The following RAB30 variants were observed in gnomAD, a reference collection of about 807,000 sequenced individuals.
RAB30 encodes the protein RAB30, member RAS oncogene family, also known as ras-related protein Rab-30.
In RAB30, 9 loss-of-function variants were observed where a neutral mutation model predicts 25.1. That is an observed-to-expected ratio of 0.36 (90% CI 0.22 to 0.63). The LOEUF (loss-of-function observed/expected upper bound fraction) is 0.63, where lower values mean the gene tolerates loss of function less well. RAB30 is among the 20% of genes least tolerant of loss of function. The pLI is 0.69. For synonymous variants in RAB30, 77 were observed against 86.4 expected, an observed-to-expected ratio of 0.89 and a Z score of 0.60; for missense variants, 140 against 243.5, an observed-to-expected ratio of 0.58 and a Z score of 2.83.
chr11:83,004,029 T>C (rs2121478736), intron 1 of RAB30, among the ~76,000 whole-genome samples: 1 of 152,318 alleles, frequency 6.6e-6, no homozygotes, highest in South Asian at 2.1e-4. Flanking sequence ...TTTAAAATGT[T>C]CTGAAAATTC....
chr11:83,045,516 G>T (rs551000490), intron 1 of RAB30, among the ~76,000 whole-genome samples: 1 of 152,268 alleles, frequency 6.6e-6, no homozygotes, highest in Admixed American at 6.5e-5. Flanking sequence ...TGCCCACCAG[G>T]AGGTCGCAAA....
chr11:83,058,675 C>T (rs1272575706), intron 1 of RAB30, among the ~76,000 whole-genome samples: 1 of 152,212 alleles, frequency 6.6e-6, no homozygotes, highest in Admixed American at 6.5e-5. Flanking sequence ...CTTGTTTCTC[C>T]ACTGTGAAGT....
At chr11:83,058,766 T>G (rs182895656) in intron 1 of RAB30, among the ~76,000 whole-genome samples, 53 of 152,364 alleles carry the variant, frequency 3.5e-4, no homozygotes, top group Non-Finnish European at 4.9e-4. Flanking sequence ...ATTTTGAGAC[T>G]AGACATCCCC....
intron 1 of RAB30, among the ~76,000 whole-genome samples, chr11:83,054,055 A>T (rs1461441420): frequency 6.6e-6 from 1 of 152,156 alleles, no homozygotes; most frequent in East Asian, 1.9e-4. Flanking sequence ...ATTCCACTAC[A>T]CTCCAGCCTG....
chr11:83,041,438 C>CA (rs1328259405), intron 1 of RAB30: 1 of 194,780 alleles, frequency 5.1e-6, no homozygotes, highest in Non-Finnish European at 1.1e-5. Context: ...AGTACAAGGT[C>CA]AGAGACATAA....
chr11:82,993,979 G>C (rs2121456411), intron 3 of RAB30, 60 bp downstream of exon 3: 1 of 1,306,232 alleles, frequency 7.7e-7, no homozygotes, highest in Admixed American at 1.8e-5. Context: ...TATGAAAGCA[G>C]TACTTCCCCT....
At position 82,997,344 on chromosome 11, in the gene RAB30, A is replaced by G; in HGVS notation, c.-8-20T>C. The G allele has an allele frequency of 6.5e-7, 1 of 1,531,568 alleles. No individual in the cohort carries two copies. Among genetic ancestry groups the G allele is most frequent in the Non-Finnish European group, 9.0e-7 (1 of 1,105,546 alleles). The allele number at this position is 1,531,568 out of a possible 1,614,324, so 94.9% of individuals were successfully genotyped here. A position where few individuals can be genotyped will look rare whatever the true frequency, so the allele number is the denominator to read the frequency against. Reference sequence around the variant, plus strand: ...ACACAGCTGCAAGGCAAACACAGGCAAAAGTGAGAAAGGCCCAGTCAGACT... The same window carrying G: ...ACACAGCTGCAAGGCAAACACAGGCGAAAGTGAGAAAGGCCCAGTCAGACT... On this transcript the variant is annotated intron_variant, in intron 1 of 4. Coordinates refer to ENST00000527633, the MANE Select transcript of RAB30 (RefSeq NM_001286060.2).
intron 1 of RAB30, among the ~76,000 whole-genome samples, chr11:83,002,381 A>T (rs918530856): frequency 4.6e-5 from 7 of 152,212 alleles, no homozygotes; most frequent in African/African-American, 1.7e-4. Context: ...GTCATCATTC[A>T]TCCCTGTAAC....
chr11:83,006,473 T>C (rs961039807), intron 1 of RAB30, among the ~76,000 whole-genome samples: 6 of 152,218 alleles, frequency 3.9e-5, no homozygotes, highest in Non-Finnish European at 5.9e-5. Flanking sequence ...CATATGATTC[T>C]ATATCTGTAT....
Position 82,973,467 on chromosome 11 carries a change from A to G in RAB30, c.*8698T>C, listed in dbSNP as rs972003187. On this transcript the variant is annotated 3_prime_UTR_variant, in exon 5 of 5. Coordinates refer to ENST00000527633, the MANE Select transcript of RAB30 (RefSeq NM_001286060.2). ...AAAGATTGAATGAGTACTCTTATCC[A>G]GCATGATTTGTAGTTGTCCTTTAAA... 1 of 152,240 alleles carries G rather than the reference A, an allele frequency of 6.6e-6. No homozygotes were observed. The highest frequency in any genetic ancestry group is 2.4e-5 in the African/African-American group (1 of 41,466). The allele number at this position is 152,240 out of a possible 1,614,324, so 9.4% of individuals were successfully genotyped here. A position where few individuals can be genotyped will look rare whatever the true frequency, so the allele number is the denominator to read the frequency against.
At chr11:83,046,854 G>A (rs1858246141) in intron 1 of RAB30, among the ~76,000 whole-genome samples, 1 of 152,154 alleles carries the variant, frequency 6.6e-6, no homozygotes, top group African/African-American at 2.4e-5. Context: ...GAGATCATAT[G>A]TGGCCCCCAA....
At chr11:83,062,930 G>T (rs1409342517) in intron 1 of RAB30, among the ~76,000 whole-genome samples, 3 of 151,110 alleles carry the variant, frequency 2.0e-5, no homozygotes, top group African/African-American at 7.3e-5. Context: ...TTGAACCCAG[G>T]AGTTGGAGGT....
At chr11:83,060,208 T>TA (rs35107777) in intron 1 of RAB30, 246 of 137,124 alleles carry the variant, frequency 1.8e-3, no homozygotes, top group Admixed American at 3.9e-3. Context: ...CTCTGTCTCA[T>TA]AAAAAAAAAA....
At chr11:83,015,711 C>A (rs2121504334) in intron 1 of RAB30, among the ~76,000 whole-genome samples, 1 of 152,268 alleles carries the variant, frequency 6.6e-6, no homozygotes, top group African/African-American at 2.4e-5. Context: ...CTGGGCATAT[C>A]ACCATTTAGA....
At chr11:83,058,826 A>T (rs1237916790) in intron 1 of RAB30, among the ~76,000 whole-genome samples, 1 of 152,268 alleles carries the variant, frequency 6.6e-6, no homozygotes, top group Non-Finnish European at 1.5e-5. Flanking sequence ...CTTGCCCAAG[A>T]TCGTGTAGCA....
At chr11:83,032,582 A>G (rs138217006) in intron 1 of RAB30, among the ~76,000 whole-genome samples, 3 of 152,320 alleles carry the variant, frequency 2.0e-5, no homozygotes, top group Non-Finnish European at 4.4e-5. Context: ...CTCCAACCTC[A>G]GCCACCTGAG....
intron 1 of RAB30, among the ~76,000 whole-genome samples, chr11:83,040,337 C>G (rs1231050709): frequency 4.6e-5 from 7 of 151,986 alleles, no homozygotes; most frequent in Non-Finnish European, 8.8e-5. Context: ...GCCTGTAATC[C>G]CAGCACTTTG....
intron 1 of RAB30, among the ~76,000 whole-genome samples, chr11:83,067,976 A>G (rs1858744406): frequency 6.6e-6 from 1 of 151,914 alleles, no homozygotes; most frequent in Admixed American, 6.6e-5. Flanking sequence ...AAATATATAA[A>G]AATTAGCTGG....
At chr11:83,009,638 A>G (rs1857261845) in intron 1 of RAB30, among the ~76,000 whole-genome samples, 1 of 151,994 alleles carries the variant, frequency 6.6e-6, no homozygotes, top group African/African-American at 2.4e-5. Flanking sequence ...TAAAATAAAA[A>G]CAAATAACAA....
Sources: gnomAD v4.1 joint callset for allele counts (sites outside exome capture counted in the v4.1 genomes callset) on GRCh38, gnomAD v4.1.1 for gene constraint, MANE v1.5 for transcripts, NCBI Gene and HGNC (gene_info 2026-07-23, HGNC 2026-07-21) for gene names.